ZNF892: variants seen among roughly 807,000 people sequenced by gnomAD.
ZNF892 encodes zinc finger protein 892.
At chr2:95,227,909 T>C in the ZNF892 span, among the ~76,000 whole-genome samples, 4 of 152,134 alleles carry the variant, frequency 2.6e-5, no homozygotes, top group African/African-American at 9.7e-5. Flanking sequence ...GCAAGTACAT[T>C]CTCCAACATA....
chr2:95,232,316 T>A, the ZNF892 span, among the ~76,000 whole-genome samples: 1 of 152,184 alleles, frequency 6.6e-6, no homozygotes, highest in African/African-American at 2.4e-5. Flanking sequence ...TCATTTCTGG[T>A]CTAGCAGGTA....
At chr2:95,263,293 G>A in the ZNF892 span, among the ~76,000 whole-genome samples, 1 of 152,174 alleles carries the variant, frequency 6.6e-6, no homozygotes, top group Non-Finnish European at 1.5e-5. Context: ...TTCTACCACA[G>A]AGCCTCCAGA....
chr2:95,210,249 A>ATG, the ZNF892 span, among the ~76,000 whole-genome samples: 67 of 150,062 alleles, frequency 4.5e-4, no homozygotes, highest in Non-Finnish European at 8.9e-4. Context: ...GTATATATAT[A>ATG]TGTGTATATA....
chr2:95,244,636 CAG>C, the ZNF892 span, among the ~76,000 whole-genome samples: 1 of 152,080 alleles, frequency 6.6e-6, no homozygotes, highest in Non-Finnish European at 1.5e-5. Context: ...ATCATTGAGA[CAG>C]AAAATTTAAA....
At chr2:95,242,995 G>A in the ZNF892 span, among the ~76,000 whole-genome samples, 14 of 152,196 alleles carry the variant, frequency 9.2e-5, no homozygotes, top group African/African-American at 3.4e-4. Flanking sequence ...GATTGCAGGC[G>A]CGCGCCGCCA....
the ZNF892 span, among the ~76,000 whole-genome samples, chr2:95,254,322 G>A: frequency 2.6e-5 from 4 of 152,184 alleles, no homozygotes; most frequent in Non-Finnish European, 5.9e-5. Flanking sequence ...GGTCTTTTCT[G>A]CATCTATTGA....
At chr2:95,246,638 G>A in the ZNF892 span, among the ~76,000 whole-genome samples, 1 of 152,190 alleles carries the variant, frequency 6.6e-6, no homozygotes, top group Non-Finnish European at 1.5e-5. Context: ...AGTTTCTTAA[G>A]CTGATAAGCA....
the ZNF892 span, among the ~76,000 whole-genome samples, chr2:95,256,930 CT>C: frequency 6.6e-6 from 1 of 152,210 alleles, no homozygotes; most frequent in Non-Finnish European, 1.5e-5. Flanking sequence ...CCATCAGGTC[CT>C]TTAAGGACTT....
At chr2:95,261,296 CT>C in the ZNF892 span, among the ~76,000 whole-genome samples, 584 of 141,172 alleles carry the variant, frequency 4.1e-3, no homozygotes, top group South Asian at 6.4e-3. Context: ...TTACACAATT[CT>C]TTTTTTTTTT....
the ZNF892 span, chr2:95,207,893 G>A: frequency 2.5e-6 from 1 of 398,630 alleles, no homozygotes; most frequent in Middle Eastern, 6.3e-4. Flanking sequence ...AAGGGAGAAA[G>A]GCTACCTCTG....
the ZNF892 span, chr2:95,259,871 G>C: frequency 3.9e-5 from 6 of 152,428 alleles, no homozygotes; most frequent in African/African-American, 1.4e-4. Context: ...TGGAGAGAGA[G>C]TCCTAGGAGG....
chr2:95,245,178 C>A, the ZNF892 span, among the ~76,000 whole-genome samples: 1 of 151,562 alleles, frequency 6.6e-6, no homozygotes, highest in Non-Finnish European at 1.5e-5. Flanking sequence ...AATAACCAAG[C>A]TCAGAGGGAA....
At chr2:95,227,942 C>T in the ZNF892 span, among the ~76,000 whole-genome samples, 1,407 of 152,302 alleles carry the variant, frequency 9.2e-3, 14 homozygotes, top group Middle Eastern at 0.017. Context: ...TTATTCAACC[C>T]AAACAATCTA....
At chr2:95,210,248 T>G in the ZNF892 span, among the ~76,000 whole-genome samples, 1 of 150,140 alleles carries the variant, frequency 6.7e-6, no homozygotes, top group Non-Finnish European at 1.5e-5. Flanking sequence ...TGTATATATA[T>G]ATGTGTATAT....
chr2:95,254,381 G>A, the ZNF892 span, among the ~76,000 whole-genome samples: 3 of 152,128 alleles, frequency 2.0e-5, no homozygotes, highest in South Asian at 2.1e-4. Context: ...GCTGGATTAC[G>A]TTTATTGATT....
the ZNF892 span, chr2:95,259,904 C>G: frequency 1.3e-5 from 2 of 152,412 alleles, no homozygotes; most frequent in Non-Finnish European, 2.9e-5. Context: ...TTCCCCACCC[C>G]ACCTGAAGCA....
chr2:95,249,224 T>TAC, the ZNF892 span, among the ~76,000 whole-genome samples: 1 of 64,154 alleles, frequency 1.6e-5, no homozygotes, highest in African/African-American at 4.6e-5. Flanking sequence ...TATATATATA[T>TAC]ATATATATTT....
chr2:95,210,482 T>C, the ZNF892 span, among the ~76,000 whole-genome samples: 26 of 152,294 alleles, frequency 1.7e-4, no homozygotes, highest in South Asian at 2.5e-3. Flanking sequence ...CTTATTTCAG[T>C]ATTTTAGTAA....
chr2:95,255,861 G>T, the ZNF892 span, among the ~76,000 whole-genome samples: 1 of 152,142 alleles, frequency 6.6e-6, no homozygotes, highest in South Asian at 2.1e-4. Context: ...TTTGATCTTT[G>T]TTGGTTTAAA....
Sources: gnomAD v4.1 joint callset for allele counts (sites outside exome capture counted in the v4.1 genomes callset) on GRCh38, gnomAD v4.1.1 for gene constraint, MANE v1.5 for transcripts, NCBI Gene and HGNC (gene_info 2026-07-23, HGNC 2026-07-21) for gene names.